DHX16: variants seen among roughly 807,000 people sequenced by gnomAD.
The protein encoded by DHX16 is DEAH-box helicase 16.
In DHX16, 81 loss-of-function variants were observed where a neutral mutation model predicts 131.2. The observed-to-expected ratio is 0.62, with a 90% CI of 0.52 to 0.74. The LOEUF (loss-of-function observed/expected upper bound fraction) is 0.74, where lower values mean the gene tolerates loss of function less well. Among genes scored for constraint, DHX16 ranks in the 30% least tolerant of loss-of-function variants. The probability of loss-of-function intolerance (pLI) is 0.00; values close to 1 mark genes in which losing one functional copy is unlikely to be tolerated. For missense variants in DHX16, 980 were observed against 1,363.1 expected (o/e 0.72, Z 4.43); for synonymous variants, 440 against 520.2 (o/e 0.85, Z 2.10).
chr6:30,665,473 C>T lies in DHX16; in HGVS notation c.921+6G>A, dbSNP rs1768953976. 1 of 1,611,160 alleles carries T rather than the reference C, an allele frequency of 6.2e-7. No homozygotes were observed. Among genetic ancestry groups the T allele is most frequent in the Non-Finnish European group, 8.5e-7 (1 of 1,178,612 alleles). On this transcript the variant is annotated splice_donor_region_variant and intron_variant, in intron 5 of 19. Coordinates refer to ENST00000376442, the MANE Select transcript of DHX16 (RefSeq NM_003587.5). This position sits in a 1 kb window ranked among gnomAD's most constrained non-coding sequence, Gnocchi z 4.8. ...CAAGGCTGAAGCAGACGCCGCTTCA[C>T]CTCACCTGTCCTCGGGTTTCCTTGG...
chr6:30,659,887 C>T (rs1768336110), intron 10 of DHX16, 53 bp from the exon 11 acceptor site: 9 of 1,579,242 alleles, frequency 5.7e-6, no homozygotes, highest in Non-Finnish European at 7.8e-6. Context: ...TTAGGCAAAC[C>T]TTTCCTCTCC....
intron 9 of DHX16, 114 bp from the exon 10 acceptor site, chr6:30,660,356 GT>G (rs1372369783): frequency 1.2e-6 from 1 of 852,678 alleles, no homozygotes; most frequent in Non-Finnish European, 1.7e-6. Context: ...AAGAATGACT[GT>G]TGACGGAGGG....
At position 30,665,411 on chromosome 6, in the gene DHX16, A is replaced by G. The variant is rs1242780272; in HGVS notation, c.921+68T>C. ...AAGGGGATGACCCACGTGTTGCCCA[A>G]TCCCCTGAAGCCTTCCCCACAACTT... On this transcript the variant is annotated intron_variant, in intron 5 of 19. Coordinates refer to ENST00000376442, the MANE Select transcript of DHX16 (RefSeq NM_003587.5). This position sits in a 1 kb window ranked among gnomAD's most constrained non-coding sequence, Gnocchi z 4.8. The G allele has an allele frequency of 5.7e-6, 9 of 1,585,094 alleles. No individual in the cohort carries two copies. The highest frequency in any genetic ancestry group is 3.4e-4 in the Middle Eastern group (2 of 5,850).
intron 4 of DHX16, among the ~76,000 whole-genome samples, chr6:30,669,744 T>TTA (rs1010872985): frequency 9.7e-4 from 110 of 113,816 alleles, no homozygotes; most frequent in African/African-American, 3.4e-3. Flanking sequence ...AAAAAAGGTT[T>TTA]AAAAAAAAAA....
chr6:30,659,476 C>T lies in DHX16; in HGVS notation c.2003G>A (p.Arg668Gln), dbSNP rs1768277875. The stretch of plus-strand genomic sequence containing the variant: ...GTGTGGGTTTCTCCAACTGACCTTT[C>T]GTGCCCCAGGTGGTGTGGGCTGGAA... ...RIFQPTPPGA[R>Q]KVVVATNIAE... Residue 668 changes from arginine to glutamine, a missense_variant, in exon 12 of 20, where the codon CGA becomes CAA. Physicochemically the swap from Arg to Gln is conservative, Grantham distance 43 (BLOSUM62 1). Transcript: ENST00000376442. 3.8e-6 allele frequency: 6 copies of T among 1,589,360 alleles called. No homozygotes were observed. Among genetic ancestry groups the T allele is most frequent in the African/African-American group, 1.3e-5 (1 of 74,460 alleles).
At chr6:30,657,157 T>G in intron 12 of DHX16, 65 bp from the exon 13 acceptor site, 1 of 1,540,464 alleles carries the variant, frequency 6.5e-7, no homozygotes, top group Non-Finnish European at 8.8e-7. Flanking sequence ...AAAAGTAATC[T>G]TGGAAAGTTA....
At position 30,665,079 on chromosome 6, in the gene DHX16, C is replaced by A; in HGVS notation, c.1117G>T (p.Gly373Cys). 2 of 1,614,060 alleles carry A rather than the reference C, an allele frequency of 1.2e-6. No individual in the cohort carries two copies. The highest frequency in any genetic ancestry group is 1.7e-6 in the Non-Finnish European group (2 of 1,179,994). The stretch of plus-strand genomic sequence containing the variant: ...CCCAGCTCCCCTCTTACCTCATCAC[C>A]CTGGAGCTGAGTGGCCCGGACAAAC... ...IEFVRATQLQ[G>C]DEEPSAPPTS... is the part of the protein sequence containing the mutation. Residue 373 changes from glycine (G) to cysteine (C), a missense_variant, in exon 6 of 20, where the codon GGT becomes TGT. Gly to Cys is a radical substitution (Grantham distance 159). Coordinates refer to ENST00000376442, the MANE Select transcript of DHX16 (RefSeq NM_003587.5). This position sits in a 1 kb window ranked among gnomAD's most constrained non-coding sequence, Gnocchi z 4.8.
chr6:30,662,051 C>G lies in DHX16; in HGVS notation c.1544+576G>C, dbSNP rs550269533. On this transcript the variant is annotated intron_variant, in intron 9 of 19. Transcript: ENST00000376442. The surrounding 1 kb of genome is among the most constrained non-coding windows in gnomAD (Gnocchi z 4.7). ...CCCCTCAACACATGTTCAACCAACC[C>G]CTGCTTGGCCATTTCCAGCACTAAG... 8.4e-6 allele frequency: 5 copies of G among 591,852 alleles called. No individual in the cohort carries two copies. Among genetic ancestry groups the G allele is most frequent in the African/African-American group, 7.4e-5 (4 of 53,922 alleles). The allele number at this position is 591,852 out of a possible 1,614,324, so 36.7% of individuals were successfully genotyped here.
intron 18 of DHX16, 46 bp downstream of exon 18, chr6:30,655,129 G>C (rs1767851922): frequency 1.2e-6 from 2 of 1,611,098 alleles, no homozygotes; most frequent in South Asian, 2.2e-5. Flanking sequence ...GCTTGCTCCT[G>C]GGAAGGTACT....
chr6:30,671,235 C>T lies in DHX16; in HGVS notation c.247G>A (p.Ala83Thr), dbSNP rs1328140113. 2 of 1,613,082 alleles carry T rather than the reference C, an allele frequency of 1.2e-6. No individual in the cohort carries two copies. The highest frequency in any genetic ancestry group is 1.7e-6 in the Non-Finnish European group (2 of 1,180,034). The change falls in exon 2 of 20, where the codon GCA (alanine) becomes ACA (threonine). Residue 83 changes from alanine (A) to threonine (T), a missense_variant. Ala to Thr is a moderately conservative substitution (Grantham distance 58). Transcript: ENST00000376442. The part of the protein sequence containing the change: ...KAVVEKPARA[A>T]EREARALLEK... ...AGCAGGGCCCGGGCCTCTCGCTCTGCTGCCCGAGCTGGCTTTTCTACCACT... is the reference window on the plus strand; with the variant it reads ...AGCAGGGCCCGGGCCTCTCGCTCTGTTGCCCGAGCTGGCTTTTCTACCACT...
chr6:30,672,947 G>A lies in DHX16; in HGVS notation c.-106C>T. On this transcript the variant is annotated 5_prime_UTR_variant, in exon 1 of 20. Coordinates refer to ENST00000376442, the MANE Select transcript of DHX16 (RefSeq NM_003587.5). Reference sequence around the variant, plus strand: ...CTCGGCTGGAGCCTCAGCTTCGCAAGTCAGCTACCTTGGGACCTCTAGGAT... The same window carrying A: ...CTCGGCTGGAGCCTCAGCTTCGCAAATCAGCTACCTTGGGACCTCTAGGAT... 1.3e-6 allele frequency: 2 copies of A among 1,558,380 alleles called. No homozygotes were observed. Among genetic ancestry groups the A allele is most frequent in the Non-Finnish European group, 1.7e-6 (2 of 1,150,782 alleles).
At chr6:30,653,676 C>G (rs937060046) in intron 19 of DHX16, among the ~76,000 whole-genome samples, 2 of 152,216 alleles carry the variant, frequency 1.3e-5, no homozygotes, top group African/African-American at 4.8e-5. Flanking sequence ...CCAGCCCCAA[C>G]CTAGATCCTT....
At position 30,662,541 on chromosome 6, in the gene DHX16, T is replaced by C; in HGVS notation, c.1544+86A>G. ...TCAAGGACCATTTGAACCACAAAGA[T>C]TCAAGAACGGGTGGATTAATCAGAA... On this transcript the variant is annotated intron_variant, in intron 9 of 19. Transcript: ENST00000376442. This position sits in a 1 kb window ranked among gnomAD's most constrained non-coding sequence, Gnocchi z 4.7. 8.5e-7 allele frequency: 1 copy of C among 1,174,354 alleles called. No homozygotes were observed. Among genetic ancestry groups the C allele is most frequent in the South Asian group, 1.3e-5 (1 of 77,612 alleles). The allele number at this position is 1,174,354 out of a possible 1,614,324, so 72.7% of individuals were successfully genotyped here. A position where few individuals can be genotyped will look rare whatever the true frequency, so the allele number is the denominator to read the frequency against.
intron 9 of DHX16, chr6:30,661,868 G>A: frequency 1.4e-6 from 1 of 718,064 alleles, no homozygotes; most frequent in South Asian, 1.5e-5. Context: ...GGTTCTTAGA[G>A]ATCTTTTGCA....
chr6:30,653,780 A>G (rs1030654971), intron 19 of DHX16, among the ~76,000 whole-genome samples: 19 of 152,166 alleles, frequency 1.2e-4, no homozygotes, highest in African/African-American at 4.1e-4. Context: ...GGGCAGATAC[A>G]CCTCTGTATG....
rs1192386660 is a variant in DHX16, at chr6:30,662,060, C to T, written c.1544+567G>A. 1.7e-6 allele frequency: 1 copy of T among 584,426 alleles called. No individual in the cohort carries two copies. Among genetic ancestry groups the T allele is most frequent in the African/African-American group, 1.9e-5 (1 of 53,670 alleles). 36.2% of individuals were successfully genotyped at this position (584,426 alleles called of 1,614,324 possible). On this transcript the variant is annotated intron_variant, in intron 9 of 19. Transcript: ENST00000376442. This position sits in a 1 kb window ranked among gnomAD's most constrained non-coding sequence, Gnocchi z 4.7. ...ACATGTTCAACCAACCCCTGCTTGG[C>T]CATTTCCAGCACTAAGAGCTCATTA... is the stretch of plus-strand genomic sequence containing the variant.
In DHX16 at chr6:30,670,587, C is replaced by CAG; in HGVS notation, c.610-123_610-122dup. ...CCCTAACACAAAAAATGTCCCCTCTCAGTGAGGAATCTCTCTGATTGCAGG... is the reference window on the plus strand; with the variant it reads ...CCCTAACACAAAAAATGTCCCCTCTCAGAGTGAGGAATCTCTCTGATTGCAGG... On this transcript the variant is annotated intron_variant, in intron 3 of 19. Coordinates refer to ENST00000376442, the MANE Select transcript of DHX16 (RefSeq NM_003587.5). The surrounding 1 kb of genome is among the most constrained non-coding windows in gnomAD (Gnocchi z 4.4). 1 of 1,256,834 alleles carries CAG rather than the reference C, an allele frequency of 8.0e-7. No individual in the cohort carries two copies. Among genetic ancestry groups the CAG allele is most frequent in the Non-Finnish European group, 1.1e-6 (1 of 898,638 alleles). The allele number at this position is 1,256,834 out of a possible 1,614,324, so 77.9% of individuals were successfully genotyped here. A position where few individuals can be genotyped will look rare whatever the true frequency, so the allele number is the denominator to read the frequency against.
At chr6:30,659,130 G>A (rs377014090) in intron 12 of DHX16, among the ~76,000 whole-genome samples, 1 of 152,210 alleles carries the variant, frequency 6.6e-6, no homozygotes, top group Admixed American at 6.5e-5. Flanking sequence ...CAAGTGATCC[G>A]CCCACCTCAG....
At chr6:30,669,251 C>G (rs1025573816) in intron 4 of DHX16, among the ~76,000 whole-genome samples, 1 of 151,222 alleles carries the variant, frequency 6.6e-6, no homozygotes, top group Non-Finnish European at 1.5e-5. Context: ...ATGAAATCTC[C>G]TCTACTAAAA....
Sources: allele counts gnomAD v4.1 joint callset (sites outside exome capture counted in the v4.1 genomes callset), GRCh38; gene constraint gnomAD v4.1.1; non-coding constraint Gnocchi (gnomAD v3.1); transcripts MANE v1.5; gene names NCBI Gene and HGNC (gene_info 2026-07-23, HGNC 2026-07-21).